The following OPCML variants were observed in gnomAD, a reference collection of about 807,000 sequenced individuals.
OPCML encodes opioid-binding protein/cell adhesion molecule.
Under a neutral mutation model 37.8 loss-of-function variants are expected in OPCML, and 13 were observed. The observed-to-expected ratio is 0.34, with a 90% CI of 0.22 to 0.55. OPCML has a LOEUF of 0.55. Ranked by LOEUF, OPCML falls within the 20% of genes least tolerant of loss-of-function variation. The pLI is 0.91. For synonymous variants in OPCML, 176 were observed against 168.8 expected (o/e 1.04, Z -0.33); for missense variants, 341 against 435.6 (o/e 0.78, Z 1.93).
rs547299882 is a variant in OPCML, at chr11:133,492,971, C to T, written c.61+39293G>A. ...CCATAAGAAGCATCAGGCACCACCACGAGGCAAGGAGAAGGGTTCAGTTAG... is the reference window on the plus strand; with the variant it reads ...CCATAAGAAGCATCAGGCACCACCATGAGGCAAGGAGAAGGGTTCAGTTAG... On this transcript the variant is annotated intron_variant, in intron 1 of 7. Transcript: ENST00000524381. Among the ~76,000 whole-genome samples, 27 of 152,278 alleles carry T rather than the reference C, an allele frequency of 1.8e-4. No homozygotes were observed. The South Asian group carries it at 4.6e-3, about 26-fold the overall frequency.
chr11:132,467,755 A>T (rs1337901598), intron 4 of OPCML, among the ~76,000 whole-genome samples: 1 of 152,196 alleles, frequency 6.6e-6, no homozygotes, highest in Non-Finnish European at 1.5e-5. Flanking sequence ...ACATGTTACT[A>T]CAAGAATTGT....
chr11:133,006,599 C>T (rs765893149), intron 1 of OPCML: 177 of 985,390 alleles, frequency 1.8e-4, no homozygotes, highest in Non-Finnish European at 2.0e-4. Context: ...AGTCGCTGGC[C>T]GAACCATGCC....
chr11:132,557,549 T>C (rs2096398604), intron 3 of OPCML, among the ~76,000 whole-genome samples: 2 of 152,218 alleles, frequency 1.3e-5, no homozygotes, highest in Non-Finnish European at 2.9e-5. Context: ...CCATGCCTAT[T>C]TGAATCCCGT....
intron 3 of OPCML, among the ~76,000 whole-genome samples, chr11:132,556,814 C>A (rs181134648): frequency 3.3e-5 from 5 of 152,286 alleles, no homozygotes; most frequent in East Asian, 1.9e-4. Context: ...CACTTACCTG[C>A]ACCAAGTACT....
At chr11:133,253,624 A>T (rs1415254801) in intron 1 of OPCML, among the ~76,000 whole-genome samples, 1 of 152,168 alleles carries the variant, frequency 6.6e-6, no homozygotes, top group Non-Finnish European at 1.5e-5. Flanking sequence ...GTCACATTTT[A>T]AATCTTCATA....
intron 3 of OPCML, among the ~76,000 whole-genome samples, chr11:132,577,647 G>C (rs2096453869): frequency 6.6e-6 from 1 of 152,156 alleles, no homozygotes; most frequent in South Asian, 2.1e-4. Flanking sequence ...TGATCGCAAG[G>C]AGAAGAATCA....
intron 1 of OPCML, chr11:133,005,365 C>A (rs909501463): frequency 6.1e-6 from 6 of 985,308 alleles, no homozygotes; most frequent in Non-Finnish European, 7.2e-6. Context: ...ACACATACAG[C>A]AAATGCCGTT....
chr11:132,637,632 A>G (rs1184504248), intron 3 of OPCML, among the ~76,000 whole-genome samples: 3 of 152,086 alleles, frequency 2.0e-5, no homozygotes, highest in Admixed American at 6.6e-5. Flanking sequence ...TTGATTATGT[A>G]TCTAAGTTCT....
intron 4 of OPCML, among the ~76,000 whole-genome samples, chr11:132,515,702 A>G (rs1267921611): frequency 6.6e-6 from 1 of 152,162 alleles, no homozygotes; most frequent in Non-Finnish European, 1.5e-5. Context: ...TCTGAATCTC[A>G]TACAGAGAAA....
chr11:133,401,754 T>A (rs1477305208), intron 1 of OPCML, among the ~76,000 whole-genome samples: 1 of 152,180 alleles, frequency 6.6e-6, no homozygotes, highest in South Asian at 2.1e-4. Flanking sequence ...CCACTCAAAA[T>A]CTCACAACTA....
chr11:132,761,963 T>C (rs1057294778), intron 2 of OPCML, among the ~76,000 whole-genome samples: 1 of 152,204 alleles, frequency 6.6e-6, no homozygotes, highest in African/African-American at 2.4e-5. Flanking sequence ...CCTCTGGTCT[T>C]TGATGTTGGT....
intron 2 of OPCML, among the ~76,000 whole-genome samples, chr11:132,724,786 A>G (rs548054164): frequency 3.9e-5 from 6 of 152,286 alleles, no homozygotes; most frequent in African/African-American, 1.4e-4. Flanking sequence ...AACGGAAGAA[A>G]TTGGCCAAAA....
chr11:133,003,078 A>G (rs1947039574), intron 1 of OPCML, among the ~76,000 whole-genome samples: 1 of 152,244 alleles, frequency 6.6e-6, no homozygotes, highest in African/African-American at 2.4e-5. Context: ...AAAGAAAAAC[A>G]CAGCAGAAAA....
intron 3 of OPCML, among the ~76,000 whole-genome samples, chr11:132,554,019 C>T (rs934218926): frequency 6.6e-6 from 1 of 152,188 alleles, no homozygotes; most frequent in African/African-American, 2.4e-5. Flanking sequence ...CAATGGAAAG[C>T]CTGCCTGCCA....
chr11:132,512,620 T>G (rs1008771561), intron 4 of OPCML, among the ~76,000 whole-genome samples: 2 of 151,960 alleles, frequency 1.3e-5, no homozygotes, highest in African/African-American at 4.8e-5. Context: ...GATTTTACAT[T>G]TTTTTCAGAG....
chr11:133,294,477 G>A (rs1942571639), intron 1 of OPCML, among the ~76,000 whole-genome samples: 1 of 152,008 alleles, frequency 6.6e-6, no homozygotes, highest in Admixed American at 6.6e-5. Context: ...TAGGGTTAAA[G>A]GTCTCTTCAT....
At chr11:133,031,245 G>A (rs1947663194) in intron 1 of OPCML, among the ~76,000 whole-genome samples, 1 of 152,076 alleles carries the variant, frequency 6.6e-6, no homozygotes, top group African/African-American at 2.4e-5. Flanking sequence ...GTGGATAGAT[G>A]GGTGGATGGG....
intron 1 of OPCML, among the ~76,000 whole-genome samples, chr11:133,476,460 T>C (rs1441911943): frequency 2.0e-5 from 3 of 152,086 alleles, no homozygotes; most frequent in African/African-American, 4.8e-5. Flanking sequence ...ATGGGCTCAA[T>C]TGCACAGTTC....
At chr11:133,284,737 C>T (rs368059875) in intron 1 of OPCML, among the ~76,000 whole-genome samples, 6 of 152,108 alleles carry the variant, frequency 3.9e-5, no homozygotes, top group East Asian at 1.9e-4. Context: ...ATGTAAGTCT[C>T]GGTTTTTAGC....
Sources: allele counts gnomAD v4.1 joint callset (sites outside exome capture counted in the v4.1 genomes callset), GRCh38; gene constraint gnomAD v4.1.1; transcripts MANE v1.5; gene names NCBI Gene and HGNC (gene_info 2026-07-23, HGNC 2026-07-21).